Variants in KCNN2 observed in about 807,000 individuals in gnomAD.
KCNN2 encodes the protein small conductance calcium-activated potassium channel protein 2.
KCNN2 carries 24 observed loss-of-function variants against 55.5 expected under a neutral mutation model. The observed-to-expected ratio is 0.43, with a 90% CI of 0.31 to 0.61. The LOEUF is 0.61. Among genes scored for constraint, KCNN2 ranks in the 20% least tolerant of loss-of-function variants. KCNN2 has a pLI of 0.08. For missense variants in KCNN2, 754 were observed against 853.6 expected (o/e 0.88, Z 1.45); for synonymous variants, 431 against 336.1 (o/e 1.28, Z -3.09).
At chr5:114,333,841 G>A (rs960850168) in intron 2 of KCNN2, among the ~76,000 whole-genome samples, 1 of 152,108 alleles carries the variant, frequency 6.6e-6, no homozygotes, top group African/African-American at 2.4e-5. Flanking sequence ...AAATGCCATT[G>A]TGCTTAACTT....
At chr5:114,437,701 T>TA (rs1403131359) in intron 3 of KCNN2, among the ~76,000 whole-genome samples, 1 of 152,170 alleles carries the variant, frequency 6.6e-6, no homozygotes, top group Non-Finnish European at 1.5e-5. Context: ...AGTTTGAAAT[T>TA]AAAGAACCAA....
intron 2 of KCNN2, among the ~76,000 whole-genome samples, chr5:114,318,605 G>GTATTATATAAGAATACATAATTA (rs1756549253): frequency 1.3e-5 from 2 of 150,536 alleles, no homozygotes; most frequent in Non-Finnish European, 3.0e-5. Context: ...ATACATAATT[G>GTATTATATAAGAATACATAATTA]TATATGATAA....
At chr5:114,363,863 A>G in intron 1 of KCNN2, 43 bp from the exon 2 acceptor site, 9 of 1,493,430 alleles carry the variant, frequency 6.0e-6, no homozygotes, top group Non-Finnish European at 8.4e-6. Flanking sequence ...GGCGGTTAAA[A>G]GTGCTTCTTT....
intron 3 of KCNN2, among the ~76,000 whole-genome samples, chr5:114,437,041 TTGTG>T (rs139056895): frequency 1.3e-5 from 2 of 151,504 alleles, no homozygotes; most frequent in African/African-American, 2.4e-5. Flanking sequence ...GTGTGTGTGT[TTGTG>T]TGTGTGTGTT....
intron 3 of KCNN2, among the ~76,000 whole-genome samples, chr5:114,422,758 T>G (rs999072115): frequency 6.6e-6 from 1 of 152,234 alleles, no homozygotes; most frequent in Non-Finnish European, 1.5e-5. Context: ...GTGGGCTGTT[T>G]TTTTTGAGCA....
chr5:114,389,401 T>TG (rs1561602283), intron 2 of KCNN2, among the ~76,000 whole-genome samples: 1 of 152,168 alleles, frequency 6.6e-6, no homozygotes, highest in Non-Finnish European at 1.5e-5. Flanking sequence ...CCAGATTGCT[T>TG]GGGTTCATAT....
intron 1 of KCNN2, among the ~76,000 whole-genome samples, chr5:114,102,771 C>G (rs1251400089): frequency 1.3e-5 from 2 of 152,002 alleles, no homozygotes; most frequent in African/African-American, 4.8e-5. Flanking sequence ...ATTTCTGAGG[C>G]CTCTGTTCTG....
chr5:114,349,572 A>G (rs1445687066), intron 2 of KCNN2, among the ~76,000 whole-genome samples: 1 of 152,084 alleles, frequency 6.6e-6, no homozygotes, highest in East Asian at 1.9e-4. Flanking sequence ...CAAAAAAATA[A>G]AAAATCAGAA....
chr5:114,075,010 C>T (rs1179781847), intron 1 of KCNN2, among the ~76,000 whole-genome samples: 1 of 152,224 alleles, frequency 6.6e-6, no homozygotes. Flanking sequence ...TTCCCTTCTT[C>T]CCTTCTTCCT....
intron 2 of KCNN2, among the ~76,000 whole-genome samples, chr5:114,244,554 G>A (rs555789692): frequency 2.0e-5 from 3 of 151,650 alleles, no homozygotes; most frequent in South Asian, 2.1e-4. Context: ...CCGAGATCGC[G>A]CCATTGCACT....
At chr5:114,056,373 AC>A (rs1478795144) in exon 1 of KCNN2, 3 of 398,422 alleles carry the variant, frequency 7.5e-6, no homozygotes, top group African/African-American at 6.2e-5. Flanking sequence ...CTCCCGGTGA[AC>A]CTGCCGGAAT....
In KCNN2 at chr5:114,287,628, T is replaced by G. The variant is rs372650853; in HGVS notation, c.-185+66063T>G. On this transcript the variant is annotated intron_variant, in intron 2 of 10. Transcript: ENST00000512097. Reference sequence around the variant, plus strand: ...TGGGGGGCAAGGGGAGGGATAGCATTAGGACAAATACCTAATGCATGTGGG... The same window carrying G: ...TGGGGGGCAAGGGGAGGGATAGCATGAGGACAAATACCTAATGCATGTGGG... Among the ~76,000 whole-genome samples, 4 of 151,714 alleles carry G rather than the reference T, an allele frequency of 2.6e-5. No homozygotes were observed. In the East Asian group the frequency reaches 7.8e-4, roughly 29 times the overall value.
At chr5:114,216,015 A>G (rs1245981543) in intron 1 of KCNN2, among the ~76,000 whole-genome samples, 3 of 152,050 alleles carry the variant, frequency 2.0e-5, no homozygotes, top group Non-Finnish European at 2.9e-5. Context: ...ATAATATAGA[A>G]CTCAACATAT....
chr5:114,451,048 CAT>C (rs1223111255), intron 3 of KCNN2, among the ~76,000 whole-genome samples: 1 of 152,066 alleles, frequency 6.6e-6, no homozygotes, highest in Non-Finnish European at 1.5e-5. Flanking sequence ...AGGTTTTTAA[CAT>C]AGTAGTGAAA....
chr5:114,064,281 T>C (rs926076395), intron 1 of KCNN2, among the ~76,000 whole-genome samples: 17 of 152,234 alleles, frequency 1.1e-4, no homozygotes, highest in African/African-American at 4.1e-4. Flanking sequence ...CCCATCCCTT[T>C]GGGTCCTGCT....
chr5:114,271,389 C>T (rs1344866078), intron 2 of KCNN2, among the ~76,000 whole-genome samples: 4 of 152,132 alleles, frequency 2.6e-5, no homozygotes, highest in African/African-American at 7.2e-5. Flanking sequence ...AATCATTTAG[C>T]TAGACAGAAA....
chr5:114,409,420 T>C (rs1259691038), intron 3 of KCNN2, among the ~76,000 whole-genome samples: 1 of 151,838 alleles, frequency 6.6e-6, no homozygotes, highest in Non-Finnish European at 1.5e-5. Flanking sequence ...TTTCTGACCC[T>C]TTTTTTTCCC....
chr5:114,195,592 G>A (rs1053896082), intron 1 of KCNN2, among the ~76,000 whole-genome samples: 3 of 151,634 alleles, frequency 2.0e-5, no homozygotes, highest in African/African-American at 7.3e-5. Context: ...ATATTACTTA[G>A]GATTTTCTAT....
chr5:114,063,203 A>G (rs549702462), intron 1 of KCNN2, among the ~76,000 whole-genome samples: 6 of 152,308 alleles, frequency 3.9e-5, no homozygotes, highest in Admixed American at 2.0e-4. Context: ...AGCCCCTCAG[A>G]CAAATGACTG....
Sources: allele counts gnomAD v4.1 joint callset (sites outside exome capture counted in the v4.1 genomes callset), GRCh38; gene constraint gnomAD v4.1.1; transcripts MANE v1.5; gene names NCBI Gene and HGNC (gene_info 2026-07-23, HGNC 2026-07-21).